INTS4: variants seen among roughly 807,000 people sequenced by gnomAD.
INTS4 encodes MSTP093.
A neutral mutation model predicts 119.5 loss-of-function variants in INTS4; 70 were observed. That is an observed-to-expected ratio of 0.59 (90% CI 0.48 to 0.71). The LOEUF is 0.71. Ranked by LOEUF, INTS4 falls within the 30% of genes least tolerant of loss-of-function variation. The pLI is 0.00. For missense variants in INTS4, 867 were observed against 1,173.2 expected (o/e 0.74, Z 3.81); for synonymous variants, 316 against 419.6 (o/e 0.75, Z 3.02).
At chr11:77,918,718 A>G (rs1953266996) in intron 15 of INTS4, 103 bp downstream of exon 15, 6 of 1,503,600 alleles carry the variant, frequency 4.0e-6, no homozygotes, top group East Asian at 4.6e-5. Flanking sequence ...ATGTAGACCA[A>G]TAAAGTCAGA....
intron 2 of INTS4, among the ~76,000 whole-genome samples, chr11:77,983,112 C>T (rs1298215370): frequency 6.6e-6 from 1 of 152,196 alleles, no homozygotes; most frequent in Admixed American, 6.5e-5. Flanking sequence ...AAACAATTAA[C>T]CTCTCTGAGC....
chr11:77,973,374 T>C (rs2136622438), intron 4 of INTS4, among the ~76,000 whole-genome samples: 1 of 152,344 alleles, frequency 6.6e-6, no homozygotes, highest in East Asian at 1.9e-4. Context: ...TTTTACTTTT[T>C]CTTTTCCAAA....
chr11:77,941,458 C>CACAT (rs1953927330), intron 8 of INTS4, among the ~76,000 whole-genome samples: 3 of 138,456 alleles, frequency 2.2e-5, no homozygotes, highest in South Asian at 2.3e-4. Context: ...ACCTACTGTG[C>CACAT]TTTTTTTTTT....
chr11:77,910,357 A>G (rs1953061849), intron 15 of INTS4, among the ~76,000 whole-genome samples: 1 of 149,746 alleles, frequency 6.7e-6, no homozygotes, highest in Non-Finnish European at 1.5e-5. Flanking sequence ...AAAACCAAAC[A>G]CTGCCTGTTC....
intron 22 of INTS4, among the ~76,000 whole-genome samples, chr11:77,881,152 C>T (rs1448422821): frequency 6.6e-6 from 1 of 152,162 alleles, no homozygotes; most frequent in East Asian, 1.9e-4. Flanking sequence ...ATAACTCAAG[C>T]AACTTCTGCG....
intron 4 of INTS4, among the ~76,000 whole-genome samples, chr11:77,976,128 A>T (rs1591133874): frequency 1.4e-5 from 2 of 146,112 alleles, no homozygotes; most frequent in Non-Finnish European, 3.0e-5. Flanking sequence ...GAGATTTTTT[A>T]AAAATGAAGT....
intron 11 of INTS4, among the ~76,000 whole-genome samples, chr11:77,928,127 T>C (rs531011646): frequency 6.6e-6 from 1 of 152,326 alleles, no homozygotes; most frequent in East Asian, 1.9e-4. Flanking sequence ...ATGTATTCCC[T>C]AGGCATCCTA....
chr11:77,963,369 A>AAAAAAC (rs1175218946), intron 4 of INTS4: 4 of 322,918 alleles, frequency 1.2e-5, no homozygotes, highest in South Asian at 3.9e-5. Flanking sequence ...AAAAAAAAAA[A>AAAAAAC]AAAAACAAAA....
intron 8 of INTS4, among the ~76,000 whole-genome samples, chr11:77,951,234 G>C (rs55878159): frequency 1.3e-5 from 2 of 151,884 alleles, no homozygotes; most frequent in Non-Finnish European, 2.9e-5. Flanking sequence ...TTTGGGTATA[G>C]ACCCAGTAAT....
intron 22 of INTS4, among the ~76,000 whole-genome samples, chr11:77,880,882 C>T (rs1393994060): frequency 1.3e-5 from 2 of 152,120 alleles, no homozygotes; most frequent in Non-Finnish European, 2.9e-5. Flanking sequence ...GAGGATCACA[C>T]CACTGCACTC....
At chr11:77,907,395 G>A (rs1790245) in intron 16 of INTS4, among the ~76,000 whole-genome samples, 64,070 of 152,010 alleles carry the variant, frequency 0.42, 14,144 homozygotes, top group African/African-American at 0.55. Context: ...ATTTTAAGAA[G>A]ATAGTCTAAA....
intron 22 of INTS4, among the ~76,000 whole-genome samples, chr11:77,879,644 T>C (rs1418191071): frequency 1.3e-5 from 2 of 152,198 alleles, no homozygotes; most frequent in Non-Finnish European, 2.9e-5. Flanking sequence ...ACCTAAAATG[T>C]CTGAAAACAT....
At chr11:77,921,813 T>A (rs961751017) in intron 13 of INTS4, among the ~76,000 whole-genome samples, 1 of 152,120 alleles carries the variant, frequency 6.6e-6, no homozygotes, top group Non-Finnish European at 1.5e-5. Flanking sequence ...GGTGGATCAC[T>A]TGAGGTCAGG....
chr11:77,923,059 C>G (rs1353212725), intron 12 of INTS4, among the ~76,000 whole-genome samples: 1 of 152,160 alleles, frequency 6.6e-6, no homozygotes, highest in Non-Finnish European at 1.5e-5. Flanking sequence ...GTGGCTCACG[C>G]CTATAATCCC....
chr11:77,976,667 G>GA (rs1255671822), intron 4 of INTS4, among the ~76,000 whole-genome samples: 2 of 152,120 alleles, frequency 1.3e-5, no homozygotes, highest in Non-Finnish European at 2.9e-5. Context: ...CAAAGACTTG[G>GA]AACCAACCCA....
At chr11:77,912,267 CAGG>C (rs930922433) in intron 15 of INTS4, among the ~76,000 whole-genome samples, 6 of 151,184 alleles carry the variant, frequency 4.0e-5, no homozygotes, top group Non-Finnish European at 7.4e-5. Flanking sequence ...GATGCTGGGG[CAGG>C]AGAATTGCTT....
intron 16 of INTS4, among the ~76,000 whole-genome samples, chr11:77,905,093 T>C (rs1367423874): frequency 2.0e-5 from 3 of 152,082 alleles, no homozygotes; most frequent in Non-Finnish European, 4.4e-5. Flanking sequence ...GTGTACTAAG[T>C]GGAGACTATC....
chr11:77,981,951 C>T (rs752701892), intron 2 of INTS4, among the ~76,000 whole-genome samples: 4 of 152,004 alleles, frequency 2.6e-5, no homozygotes, highest in African/African-American at 4.8e-5. Context: ...TAATAAAAAA[C>T]GTGCCACTGG....
At chr11:77,891,977 G>C (rs1952290805) in intron 19 of INTS4, 137 bp from the exon 20 acceptor site, 2 of 1,382,828 alleles carry the variant, frequency 1.4e-6, no homozygotes, top group African/African-American at 2.9e-5. Context: ...GACCAAGATA[G>C]ACTGGTACCT....
Sources: gnomAD v4.1 joint callset for allele counts (sites outside exome capture counted in the v4.1 genomes callset) on GRCh38, gnomAD v4.1.1 for gene constraint, MANE v1.5 for transcripts, NCBI Gene and HGNC (gene_info 2026-07-23, HGNC 2026-07-21) for gene names.